The following FAT3 variants were observed in gnomAD, a reference collection of about 807,000 sequenced individuals.
FAT3 encodes the protein protocadherin Fat 3.
FAT3 carries 95 observed loss-of-function variants against 310.2 expected under a neutral mutation model. That is an observed-to-expected ratio of 0.31 (90% confidence interval 0.26 to 0.36). FAT3 has a LOEUF of 0.36. FAT3 is among the 10% of genes least tolerant of loss of function. FAT3 has a pLI of 1.00. For synonymous variants in FAT3, 2,314 were observed against 2,192.9 expected (o/e 1.06, Z -1.54); for missense variants, 5,408 against 5,715.6 (o/e 0.95, Z 1.74).
chr11:92,855,607 G>C (rs1290972779), intron 19 of FAT3, among the ~76,000 whole-genome samples: 2 of 152,204 alleles, frequency 1.3e-5, no homozygotes, highest in Non-Finnish European at 2.9e-5. Flanking sequence ...TCATGAGATG[G>C]TCACACAGGT....
intron 3 of FAT3, among the ~76,000 whole-genome samples, chr11:92,621,385 A>T (rs1273648294): frequency 6.6e-6 from 1 of 152,224 alleles, no homozygotes; most frequent in African/African-American, 2.4e-5. Flanking sequence ...TTCCAGATGG[A>T]CAAAATCGCT....
At chr11:92,774,565 A>G (rs966445944) in intron 7 of FAT3, among the ~76,000 whole-genome samples, 2 of 152,216 alleles carry the variant, frequency 1.3e-5, no homozygotes, top group African/African-American at 4.8e-5. Flanking sequence ...AGAAAGTTAT[A>G]GCTAAAGAAT....
chr11:92,808,975 A>G (rs1307685897), intron 12 of FAT3, among the ~76,000 whole-genome samples: 2 of 152,174 alleles, frequency 1.3e-5, no homozygotes, highest in South Asian at 2.1e-4. Flanking sequence ...AGGTAGCTTC[A>G]TCCAAATAAT....
rs765308107 is a variant in FAT3, at chr11:92,844,182, C to G, written c.10815C>G (p.Ile3605Met). ...AAGTGAACAGTCACGATGGGAAAAT[C>G]ATCGCCCTGGGAGGCCTGGACAGCG... Reference protein sequence around the residue: ...LFKVNSHDGKIIALGGLDSGK... With the variant: ...LFKVNSHDGKMIALGGLDSGK... Residue 3605 changes from isoleucine (I) to methionine (M), a missense_variant, in exon 19 of 28, where the codon ATC (isoleucine) becomes ATG (methionine). Physicochemically the swap from Ile to Met is conservative, Grantham distance 10. Transcript: ENST00000525166. 6.2e-7 allele frequency: 1 copy of G among 1,614,042 alleles called. No homozygotes were observed. The highest frequency in any genetic ancestry group is 1.1e-5 in the South Asian group (1 of 91,078).
Position 92,807,572 on chromosome 11 carries a change from A to T in FAT3, c.9247+1057A>T, listed in dbSNP as rs181817315. 3.7e-4 allele frequency among the ~76,000 whole-genome samples: 57 copies of T among 152,346 alleles called. 1 individual carries two copies. The highest frequency in any genetic ancestry group is 1.3e-3 in the African/African-American group (54 of 41,578). ...TCGTAACAGGTATAAATGAAGTTGT[A>T]TCACAAATGCAGGTTGCCACGAAAA... is the stretch of plus-strand genomic sequence containing the variant. On this transcript the variant is annotated intron_variant, in intron 12 of 27. Transcript: ENST00000525166.
At chr11:92,695,545 C>T (rs181833143) in intron 3 of FAT3, among the ~76,000 whole-genome samples, 2 of 152,244 alleles carry the variant, frequency 1.3e-5, no homozygotes, top group East Asian at 3.9e-4. Flanking sequence ...CAAATACACC[C>T]TCCACACACA....
intron 3 of FAT3, among the ~76,000 whole-genome samples, chr11:92,553,581 C>A (rs1023299435): frequency 6.6e-6 from 1 of 152,206 alleles, no homozygotes; most frequent in Admixed American, 6.5e-5. Flanking sequence ...AATGAAGGAA[C>A]CTGGGCCTTG....
intron 3 of FAT3, among the ~76,000 whole-genome samples, chr11:92,625,013 C>T (rs1306261248): frequency 6.6e-5 from 10 of 152,164 alleles, no homozygotes; most frequent in African/African-American, 2.4e-4. Context: ...AGAGCCTACC[C>T]TAATGACCTC....
intron 2 of FAT3, among the ~76,000 whole-genome samples, chr11:92,434,432 T>C (rs778960779): frequency 1.3e-5 from 2 of 152,158 alleles, no homozygotes; most frequent in African/African-American, 2.4e-5. Flanking sequence ...AATCCTCAGA[T>C]TGCCATATTT....
intron 3 of FAT3, among the ~76,000 whole-genome samples, chr11:92,687,398 G>T (rs1012098291): frequency 6.6e-6 from 1 of 152,150 alleles, no homozygotes; most frequent in African/African-American, 2.4e-5. Context: ...CTTAAATGGA[G>T]ATTGGACATT....
At chr11:92,718,483 G>A (rs1410643019) in intron 4 of FAT3, among the ~76,000 whole-genome samples, 1 of 152,178 alleles carries the variant, frequency 6.6e-6, no homozygotes, top group African/African-American at 2.4e-5. Flanking sequence ...GTGCCCACAT[G>A]TGGAGCAGAC....
intron 3 of FAT3, among the ~76,000 whole-genome samples, chr11:92,634,894 T>C (rs1441664388): frequency 6.6e-6 from 1 of 152,192 alleles, no homozygotes; most frequent in Non-Finnish European, 1.5e-5. Flanking sequence ...GTAGGATTAG[T>C]GTGTCCTTAT....
chr11:92,844,824 T>C, intron 19 of FAT3, 92 bp downstream of exon 19: 1 of 1,322,240 alleles, frequency 7.6e-7, no homozygotes, highest in Non-Finnish European at 1.0e-6. Context: ...CAATCATTCG[T>C]TCAACTAAAT....
At chr11:92,767,203 T>C (rs1946335676) in intron 6 of FAT3, among the ~76,000 whole-genome samples, 1 of 148,876 alleles carries the variant, frequency 6.7e-6, no homozygotes, top group South Asian at 2.1e-4. Flanking sequence ...GAGCCAAGAT[T>C]GCATCACTGT....
At chr11:92,592,561 C>A (rs1939490695) in intron 3 of FAT3, among the ~76,000 whole-genome samples, 1 of 152,020 alleles carries the variant, frequency 6.6e-6, no homozygotes, top group South Asian at 2.1e-4. Flanking sequence ...ACCTCATGAT[C>A]TGCCTGGCTC....
intron 3 of FAT3, among the ~76,000 whole-genome samples, chr11:92,575,942 T>C (rs1216391582): frequency 6.6e-6 from 1 of 152,194 alleles, no homozygotes; most frequent in Non-Finnish European, 1.5e-5. Flanking sequence ...TGTATTCAAA[T>C]GTGCCATACT....
chr11:92,231,846 G>A (rs1309473467), intron 1 of FAT3, among the ~76,000 whole-genome samples: 1 of 151,120 alleles, frequency 6.6e-6, no homozygotes, highest in Non-Finnish European at 1.5e-5. Context: ...AAGTCTGTGT[G>A]TGTTTTCTTT....
chr11:92,733,753 T>A (rs905519520), intron 4 of FAT3, among the ~76,000 whole-genome samples: 2 of 152,118 alleles, frequency 1.3e-5, no homozygotes, highest in African/African-American at 4.8e-5. Context: ...AAACTTCCTA[T>A]TGAGACCTTA....
intron 3 of FAT3, among the ~76,000 whole-genome samples, chr11:92,551,414 T>TTGTGTGTGTGTGTGTGTGTG (rs71473973): frequency 5.6e-4 from 72 of 128,964 alleles, no homozygotes; most frequent in African/African-American, 1.6e-3. Context: ...TTTTTTTGTT[T>TTGTGTGTGTGTGTGTGTGTG]TGTGTGTGTG....
Sources: gnomAD v4.1 joint callset for allele counts (sites outside exome capture counted in the v4.1 genomes callset) on GRCh38, gnomAD v4.1.1 for gene constraint, MANE v1.5 for transcripts, NCBI Gene and HGNC (gene_info 2026-07-23, HGNC 2026-07-21) for gene names.